PPARGC1A: variants seen among roughly 807,000 people sequenced by gnomAD.
PPARGC1A encodes the protein peroxisome proliferator-activated receptor gamma coactivator 1-alpha.
In PPARGC1A, 25 loss-of-function variants were observed where a neutral mutation model predicts 88.7. That is an observed-to-expected ratio of 0.28 (90% CI 0.21 to 0.39). The LOEUF is 0.39. Among genes scored for constraint, PPARGC1A ranks in the 10% least tolerant of loss-of-function variants. The pLI is 1.00. For missense variants in PPARGC1A, 880 were observed against 968.7 expected, an observed-to-expected ratio of 0.91 and a Z score of 1.22; for synonymous variants, 363 against 355.6, an observed-to-expected ratio of 1.02 and a Z score of -0.24.
the PPARGC1A span, among the ~76,000 whole-genome samples, chr4:24,184,867 G>C: frequency 6.6e-6 from 1 of 152,018 alleles, no homozygotes; most frequent in Middle Eastern, 3.2e-3. Context: ...GATAAGAAGC[G>C]GCAGAAAAGG....
chr4:24,035,117 T>C, the PPARGC1A span, among the ~76,000 whole-genome samples: 1 of 152,194 alleles, frequency 6.6e-6, no homozygotes, highest in African/African-American at 2.4e-5. Context: ...CGGGAGATAG[T>C]ATATGTGTGG....
At chr4:24,452,943 T>C in the PPARGC1A span, among the ~76,000 whole-genome samples, 2 of 152,218 alleles carry the variant, frequency 1.3e-5, no homozygotes, top group African/African-American at 2.4e-5. Flanking sequence ...GAAATTCATG[T>C]TGAAGTCTTA....
the PPARGC1A span, among the ~76,000 whole-genome samples, chr4:24,445,806 G>A: frequency 1.4e-4 from 21 of 152,228 alleles, no homozygotes; most frequent in African/African-American, 3.6e-4. Context: ...AGTGGTTCAC[G>A]CCTCTAATCT....
chr4:23,982,235 GA>G, the PPARGC1A span, among the ~76,000 whole-genome samples: 1 of 109,052 alleles, frequency 9.2e-6, no homozygotes, highest in East Asian at 3.5e-4. Flanking sequence ...TTAAACAAAA[GA>G]AAAGTTTGTT....
At chr4:24,182,827 A>G in the PPARGC1A span, among the ~76,000 whole-genome samples, 2 of 152,212 alleles carry the variant, frequency 1.3e-5, no homozygotes, top group African/African-American at 2.4e-5. Context: ...AAAGTTCAAG[A>G]TATTTAGGAT....
chr4:24,129,507 C>T, the PPARGC1A span, among the ~76,000 whole-genome samples: 1 of 152,234 alleles, frequency 6.6e-6, no homozygotes, highest in Non-Finnish European at 1.5e-5. Flanking sequence ...CAACATAGTA[C>T]ATTGGAAAGA....
the PPARGC1A span, among the ~76,000 whole-genome samples, chr4:24,194,515 C>T: frequency 4.1e-4 from 63 of 152,160 alleles, no homozygotes; most frequent in African/African-American, 1.4e-3. Context: ...CACTAAGTAT[C>T]AGAGTTTACC....
At chr4:24,224,087 T>A in the PPARGC1A span, among the ~76,000 whole-genome samples, 1 of 152,142 alleles carries the variant, frequency 6.6e-6, no homozygotes, top group Non-Finnish European at 1.5e-5. Flanking sequence ...GGGGCATTGA[T>A]GGGAAGGGGC....
the PPARGC1A span, among the ~76,000 whole-genome samples, chr4:24,304,934 T>C: frequency 6.6e-6 from 1 of 152,008 alleles, no homozygotes; most frequent in Non-Finnish European, 1.5e-5. Context: ...TTGCTAAGCA[T>C]CTACTATGTG....
At chr4:24,316,247 C>T in the PPARGC1A span, among the ~76,000 whole-genome samples, 36 of 152,312 alleles carry the variant, frequency 2.4e-4, no homozygotes, top group East Asian at 6.0e-3. Flanking sequence ...TTCTATCTTA[C>T]ATGGGCAGAG....
the PPARGC1A span, among the ~76,000 whole-genome samples, chr4:23,933,669 A>T: frequency 3.2e-3 from 495 of 152,372 alleles, 6 homozygotes; most frequent in African/African-American, 0.012. Context: ...CCTGAAGTTT[A>T]TGAGAGCTAG....
At chr4:24,231,216 A>T in the PPARGC1A span, among the ~76,000 whole-genome samples, 1 of 152,158 alleles carries the variant, frequency 6.6e-6, no homozygotes, top group African/African-American at 2.4e-5. Context: ...GAAACTCCAC[A>T]ACCCAAGTCC....
chr4:23,918,037 C>T, the PPARGC1A span, among the ~76,000 whole-genome samples: 9 of 152,180 alleles, frequency 5.9e-5, no homozygotes, highest in South Asian at 2.1e-4. Context: ...GCTCCAGTGC[C>T]GGCATGAGCT....
At chr4:24,367,902 C>T in the PPARGC1A span, among the ~76,000 whole-genome samples, 1 of 152,144 alleles carries the variant, frequency 6.6e-6, no homozygotes, top group Non-Finnish European at 1.5e-5. Context: ...CAATCATATG[C>T]CAGGCCCTCC....
chr4:24,040,437 A>T, the PPARGC1A span, among the ~76,000 whole-genome samples: 139,061 of 152,252 alleles, frequency 0.91, 63,641 homozygotes, highest in South Asian at 0.95. Context: ...TGACTTCAAA[A>T]CATCTCTCTG....
At chr4:24,073,370 C>G in the PPARGC1A span, among the ~76,000 whole-genome samples, 6 of 152,164 alleles carry the variant, frequency 3.9e-5, no homozygotes, top group East Asian at 1.2e-3. Flanking sequence ...AGCCCCTCTG[C>G]ACTCAATGAT....
the PPARGC1A span, among the ~76,000 whole-genome samples, chr4:24,416,664 G>T: frequency 6.6e-6 from 1 of 152,304 alleles, no homozygotes; most frequent in African/African-American, 2.4e-5. Context: ...ACTGGCCCGT[G>T]GGAGAGGCAT....
the PPARGC1A span, among the ~76,000 whole-genome samples, chr4:24,220,762 T>C: frequency 2.6e-5 from 4 of 152,196 alleles, no homozygotes; most frequent in South Asian, 2.1e-4. Context: ...AAACTACCTA[T>C]TGGATATTAT....
At chr4:24,024,140 T>G in the PPARGC1A span, among the ~76,000 whole-genome samples, 2 of 152,204 alleles carry the variant, frequency 1.3e-5, no homozygotes, top group African/African-American at 2.4e-5. Flanking sequence ...AACTCATTGA[T>G]GGACACCTTA....
Sources: allele counts gnomAD v4.1 joint callset (sites outside exome capture counted in the v4.1 genomes callset), GRCh38; gene constraint gnomAD v4.1.1; transcripts MANE v1.5; gene names NCBI Gene and HGNC (gene_info 2026-07-23, HGNC 2026-07-21).